Variants in PID1 observed in about 807,000 individuals in gnomAD.
PID1 encodes the protein phosphotyrosine interaction domain containing 1.
In PID1, 10 loss-of-function variants were observed where a neutral mutation model predicts 19.1. The observed-to-expected ratio is 0.52, with a 90% CI of 0.32 to 0.89. The LOEUF is 0.89. Among genes scored for constraint, PID1 ranks in the 40% least tolerant of loss-of-function variants. The pLI is 0.03. For missense variants in PID1, 248 were observed against 285.3 expected (o/e 0.87, Z 0.94); for synonymous variants, 130 against 116.0 (o/e 1.12, Z -0.78).
Position 229,088,554 on chromosome 2 carries a change from A to C in PID1, c.178-62446T>G, listed in dbSNP as rs556360867. 1.3e-3 allele frequency among the ~76,000 whole-genome samples: 194 copies of C among 152,314 alleles called. 2 individuals carry two copies. Among genetic ancestry groups the C allele is most frequent in the African/African-American group, 4.5e-3 (186 of 41,574 alleles). On this transcript the variant is annotated intron_variant, in intron 2 of 2. Coordinates refer to ENST00000392055, the MANE Select transcript of PID1 (RefSeq NM_001100818.2). ...ACAGAAACCAGACCTCTTCACAATA[A>C]GAAATACTCTTTTGTTCTCAACCTT... is the stretch of plus-strand genomic sequence containing the variant.
At chr2:229,094,869 CA>C (rs1260582367) in intron 2 of PID1, among the ~76,000 whole-genome samples, 2 of 151,300 alleles carry the variant, frequency 1.3e-5, no homozygotes, top group African/African-American at 4.9e-5. Context: ...GAAAAAAAAA[CA>C]AACAAAAGAA....
chr2:229,127,878 T>C (rs1695656059), intron 2 of PID1, among the ~76,000 whole-genome samples: 1 of 152,136 alleles, frequency 6.6e-6, no homozygotes, highest in Non-Finnish European at 1.5e-5. Context: ...TGTCTGTCTG[T>C]CTCTCTCTCT....
chr2:229,225,466 TAA>T (rs1431796274), intron 1 of PID1, among the ~76,000 whole-genome samples: 12 of 152,016 alleles, frequency 7.9e-5, no homozygotes, highest in African/African-American at 2.9e-4. Context: ...GAGAAAGACA[TAA>T]GGGTGTTATT....
At chr2:229,118,963 A>T (rs1695465240) in intron 2 of PID1, among the ~76,000 whole-genome samples, 2 of 152,214 alleles carry the variant, frequency 1.3e-5, no homozygotes, top group Non-Finnish European at 2.9e-5. Context: ...CTGCTCAAAA[A>T]AATTCCAACT....
At chr2:229,172,073 C>G (rs111533825) in intron 1 of PID1, among the ~76,000 whole-genome samples, 1,551 of 152,188 alleles carry the variant, frequency 0.01, 32 homozygotes, top group African/African-American at 0.035. Flanking sequence ...GGCCTAGGCT[C>G]GTCTCAGCAA....
intron 2 of PID1, among the ~76,000 whole-genome samples, chr2:229,128,776 T>C (rs115440897): frequency 0.01 from 1,527 of 152,290 alleles, 16 homozygotes; most frequent in Non-Finnish European, 0.015. Context: ...CATAAAGAGA[T>C]GAATAAATTA....
chr2:229,146,966 A>G (rs929226659), intron 2 of PID1, among the ~76,000 whole-genome samples: 1 of 152,202 alleles, frequency 6.6e-6, no homozygotes, highest in Non-Finnish European at 1.5e-5. Flanking sequence ...TTTCTGTCCC[A>G]TGATGCTCAT....
chr2:229,193,611 A>C (rs1255126455), intron 1 of PID1, among the ~76,000 whole-genome samples: 1 of 152,072 alleles, frequency 6.6e-6, no homozygotes, highest in African/African-American at 2.4e-5. Context: ...CAAGTCCCTA[A>C]GATATTACAG....
chr2:229,101,082 A>G (rs1219363601), intron 2 of PID1, among the ~76,000 whole-genome samples: 1 of 152,192 alleles, frequency 6.6e-6, no homozygotes, highest in African/African-American at 2.4e-5. Flanking sequence ...CCTCCCTACA[A>G]TGGAAACTTG....
In PID1 at chr2:229,236,163, A is replaced by G. The variant is rs919776768; in HGVS notation, c.30+34851T>C. On this transcript the variant is annotated intron_variant, in intron 1 of 2. Transcript: ENST00000392055. ...ATTAGCAATGGTTTTTGGCTTTTGA[A>G]AAAAAACATGTTACCTTTAGACAGT... Among the ~76,000 whole-genome samples the G allele has an allele frequency of 7.7e-3, 11 of 1,432 alleles. No individual in the cohort carries two copies. The Non-Finnish European group carries it at 0.12, about 16-fold the overall frequency. The allele number at this position is 1,432 out of a possible 152,430, so 0.9% of individuals were successfully genotyped here.
intron 1 of PID1, among the ~76,000 whole-genome samples, chr2:229,194,066 A>C (rs1277535522): frequency 6.6e-6 from 1 of 152,172 alleles, no homozygotes; most frequent in Admixed American, 6.5e-5. Flanking sequence ...AGAAAGCCTA[A>C]TGAAAATTCT....
intron 1 of PID1, among the ~76,000 whole-genome samples, chr2:229,186,404 C>T (rs1302480038): frequency 6.6e-6 from 1 of 152,210 alleles, no homozygotes; most frequent in Non-Finnish European, 1.5e-5. Flanking sequence ...GTTTTGACCA[C>T]ACATTTCTTC....
At chr2:229,129,125 T>A (rs1048877625) in intron 2 of PID1, among the ~76,000 whole-genome samples, 1 of 152,222 alleles carries the variant, frequency 6.6e-6, no homozygotes, top group Non-Finnish European at 1.5e-5. Context: ...TGTGTACAGC[T>A]TGGTGAATAC....
chr2:229,103,857 G>A (rs950419158), intron 2 of PID1, among the ~76,000 whole-genome samples: 2 of 152,130 alleles, frequency 1.3e-5, no homozygotes, highest in East Asian at 3.9e-4. Context: ...GATTACAGTC[G>A]TGAGCCACCA....
chr2:229,160,984 C>T (rs1045181926), intron 1 of PID1, among the ~76,000 whole-genome samples: 7 of 152,208 alleles, frequency 4.6e-5, no homozygotes, highest in Non-Finnish European at 1.0e-4. Flanking sequence ...TTCTCCACTA[C>T]TGCATGCTGC....
chr2:229,122,288 T>C (rs1695539462), intron 2 of PID1, among the ~76,000 whole-genome samples: 1 of 152,204 alleles, frequency 6.6e-6, no homozygotes, highest in South Asian at 2.1e-4. Flanking sequence ...GTGCCTAAAA[T>C]GTTTAACTAA....
intron 1 of PID1, among the ~76,000 whole-genome samples, chr2:229,251,709 A>G (rs1690155155): frequency 6.6e-6 from 1 of 152,200 alleles, no homozygotes; most frequent in African/African-American, 2.4e-5. Flanking sequence ...ATCAAAATTA[A>G]ATTTCCTATG....
intron 1 of PID1, among the ~76,000 whole-genome samples, chr2:229,257,408 C>T (rs1392711403): frequency 6.6e-6 from 1 of 152,166 alleles, no homozygotes; most frequent in African/African-American, 2.4e-5. Context: ...CTCTTCCTGG[C>T]TTTCCTGTCC....
chr2:229,236,772 A>G (rs567489166), intron 1 of PID1, among the ~76,000 whole-genome samples: 1 of 152,230 alleles, frequency 6.6e-6, no homozygotes, highest in South Asian at 2.1e-4. Context: ...GGGTTACAGA[A>G]GACAGATAAA....
Sources: allele counts gnomAD v4.1 joint callset (sites outside exome capture counted in the v4.1 genomes callset), GRCh38; gene constraint gnomAD v4.1.1; transcripts MANE v1.5; gene names NCBI Gene and HGNC (gene_info 2026-07-23, HGNC 2026-07-21).